FAAP20: variants seen among roughly 807,000 people sequenced by gnomAD.
FAAP20 encodes FA core complex associated protein 20, also known as Fanconi anemia core complex-associated protein 20.
A neutral mutation model predicts 16.2 loss-of-function variants in FAAP20; 12 were observed. That is an observed-to-expected ratio of 0.74 (90% CI 0.48 to 1.20). FAAP20 has a LOEUF of 1.20. FAAP20 is among the 50% of genes most tolerant of loss of function. The pLI, the probability that FAAP20 is intolerant of heterozygous loss-of-function variation, is 0.00. For missense variants in FAAP20, 288 were observed against 245.8 expected, an observed-to-expected ratio of 1.17 and a Z score of -1.15; for synonymous variants, 141 against 110.7, an observed-to-expected ratio of 1.27 and a Z score of -1.72.
intron 3 of FAAP20, chr1:2,190,183 A>AGGCAGAAGAGTAAACATGGCTG (rs1381404726): frequency 4.2e-6 from 2 of 473,584 alleles, no homozygotes; most frequent in Non-Finnish European, 8.4e-6. Flanking sequence ...CGTCTACAGG[A>AGGCAGAAGAGTAAACATGGCTG]GGCAGAAGAG....
intron 2 of FAAP20, 28 bp downstream of exon 2, chr1:2,193,970 A>G (rs1688561905): frequency 1.9e-6 from 3 of 1,611,974 alleles, no homozygotes; most frequent in African/African-American, 2.7e-5. Context: ...AAACCCCTTC[A>G]TCGCTAAGAT....
chr1:2,193,768 G>A lies in FAAP20; in HGVS notation c.341C>T (p.Pro114Leu). 6.3e-7 allele frequency: 1 copy of A among 1,595,170 alleles called. No individual in the cohort carries two copies. The highest frequency in any genetic ancestry group is 8.5e-7 in the Non-Finnish European group (1 of 1,174,392). Residue 114 changes from proline to leucine, a missense_variant, in exon 3 of 4, where the codon CCC (proline) becomes CTC (leucine). Transcript: ENST00000378546. Reference sequence around the variant, plus strand: ...CGGGCGCTGGGGCAGGGACCTGGCGGGGGATTCCAGGTGCCCTCCTGCCCC... The same window carrying A: ...CGGGCGCTGGGGCAGGGACCTGGCGAGGGATTCCAGGTGCCCTCCTGCCCC... ...LHGAGGHLES[P>L]ARSLPQRPAP...
chr1:2,202,714 G>A (rs1483649956), upstream of FAAP20, among the ~76,000 whole-genome samples: 4 of 152,092 alleles, frequency 2.6e-5, no homozygotes, highest in Non-Finnish European at 4.4e-5. Context: ...GAGCTCAAGC[G>A]ATCCTCTTCC....
chr1:2,211,497 A>G (rs1401586641), downstream of FAAP20, among the ~76,000 whole-genome samples: 34 of 118,536 alleles, frequency 2.9e-4, no homozygotes, highest in Non-Finnish European at 4.9e-4. Context: ...CCTAGGCTGA[A>G]GTGCAGTGGC....
upstream of FAAP20, chr1:2,198,264 G>A (rs766175342): frequency 1.4e-5 from 14 of 1,019,158 alleles, no homozygotes; most frequent in Non-Finnish European, 1.8e-5. Flanking sequence ...ATCCCAGGCA[G>A]AGCAGAAGGT....
chr1:2,211,757 A>T (rs368390941), downstream of FAAP20, among the ~76,000 whole-genome samples: 7 of 137,790 alleles, frequency 5.1e-5, no homozygotes, highest in East Asian at 8.7e-4. Context: ...CCAGTTTTTT[A>T]TATTTTTATT....
upstream of FAAP20, chr1:2,198,678 G>C: frequency 8.1e-7 from 1 of 1,235,304 alleles, no homozygotes; most frequent in Admixed American, 2.5e-5. Flanking sequence ...CATGCTGAAG[G>C]CACTGGGCTG....
chr1:2,192,904 CTTTTG>C (rs1688400197), intron 3 of FAAP20: 1 of 1,297,688 alleles, frequency 7.7e-7, no homozygotes, highest in African/African-American at 1.5e-5. Context: ...CCGGCCTTTT[CTTTTG>C]TTGTTGTTGT....
downstream of FAAP20, among the ~76,000 whole-genome samples, chr1:2,185,712 C>T (rs1687488435): frequency 6.6e-6 from 1 of 152,158 alleles, no homozygotes; most frequent in Non-Finnish European, 1.5e-5. Flanking sequence ...CCCACCAAAG[C>T]ACAGTAGACC....
At chr1:2,190,049 CTA>C (rs1031176736) in intron 3 of FAAP20, 1 of 598,764 alleles carries the variant, frequency 1.7e-6, no homozygotes, top group African/African-American at 1.8e-5. Flanking sequence ...ACAAGCCTCT[CTA>C]TGGGATTCTG....
At chr1:2,196,742 A>C (rs1048962566), upstream of FAAP20, among the ~76,000 whole-genome samples, 2 of 152,202 alleles carry the variant, frequency 1.3e-5, no homozygotes, top group Non-Finnish European at 2.9e-5. The surrounding 1 kb of genome is among the most constrained non-coding windows in gnomAD (Gnocchi z 4.5). Flanking sequence ...TGGGTGGCTG[A>C]GGCACGAAAA....
intron 3 of FAAP20, 145 bp from the exon 4 acceptor site, chr1:2,189,926 G>T (rs1044934644): frequency 1.4e-6 from 1 of 691,680 alleles, no homozygotes; most frequent in Non-Finnish European, 2.6e-6. Flanking sequence ...CACCCCAGGG[G>T]CTCATGCACC....
downstream of FAAP20, among the ~76,000 whole-genome samples, chr1:2,211,720 A>G (rs994507544): frequency 5.9e-5 from 9 of 151,292 alleles, no homozygotes; most frequent in Non-Finnish European, 1.5e-5. Context: ...AAGTGCTGGG[A>G]TTACAGGCAT....
downstream of FAAP20, among the ~76,000 whole-genome samples, chr1:2,188,112 G>A (rs924536290): frequency 6.6e-6 from 1 of 152,178 alleles, no homozygotes; most frequent in Non-Finnish European, 1.5e-5. Context: ...TTCACACCAC[G>A]TCTGCCCCCA....
chr1:2,185,074 A>G (rs554860132), downstream of FAAP20: 568 of 1,444,358 alleles, frequency 3.9e-4, 1 homozygote, highest in Non-Finnish European at 4.4e-4. Context: ...TAACCACCGC[A>G]TATGCATGCC....
chr1:2,202,173 C>T (rs1339676823), upstream of FAAP20, among the ~76,000 whole-genome samples: 3 of 152,224 alleles, frequency 2.0e-5, no homozygotes, highest in Non-Finnish European at 2.9e-5. Flanking sequence ...GTGCAGACTC[C>T]GGGCTGTCCT....
At chr1:2,192,443 A>G (rs1688336540) in intron 3 of FAAP20, 2 of 996,806 alleles carry the variant, frequency 2.0e-6, no homozygotes, top group Non-Finnish European at 2.4e-6. Flanking sequence ...CAAAATGGCA[A>G]GTTTTTCCTC....
chr1:2,185,319 C>G (rs900256462), downstream of FAAP20: 2 of 718,634 alleles, frequency 2.8e-6, no homozygotes, highest in African/African-American at 1.7e-5. Flanking sequence ...GGAAACAGAA[C>G]TCGATGCACT....
At chr1:2,198,597 C>T (rs1335066211), upstream of FAAP20, 2 of 1,094,194 alleles carry the variant, frequency 1.8e-6, no homozygotes, top group Admixed American at 3.5e-5. Flanking sequence ...GCTGGCAGGC[C>T]TAAGCAGCCC....
Sources: allele counts gnomAD v4.1 joint callset (sites outside exome capture counted in the v4.1 genomes callset), GRCh38; gene constraint gnomAD v4.1.1; non-coding constraint Gnocchi (gnomAD v3.1); transcripts MANE v1.5; gene names NCBI Gene and HGNC (gene_info 2026-07-23, HGNC 2026-07-21).